Variants in PCDHGB5 observed in about 807,000 individuals in gnomAD.
PCDHGB5 encodes protocadherin gamma subfamily B, 5.
A neutral mutation model predicts 62.9 loss-of-function variants in PCDHGB5; 48 were observed. The ratio of observed to expected loss-of-function variants is 0.76; its 90% confidence interval spans 0.61 to 0.97. The LOEUF is 0.97. PCDHGB5 is among the 50% of genes least tolerant of loss of function. The probability of loss-of-function intolerance (pLI) is 0.00; values close to 1 mark genes in which losing one functional copy is unlikely to be tolerated. For synonymous variants in PCDHGB5, 474 were observed against 511.2 expected, an observed-to-expected ratio of 0.93 and a Z score of 0.98; for missense variants, 1,118 against 1,198.6, an observed-to-expected ratio of 0.93 and a Z score of 0.99.
chr5:141,421,403 A>G, intron 1 of PCDHGB5: 1 of 1,614,054 alleles, frequency 6.2e-7, no homozygotes, highest in Non-Finnish European at 8.5e-7. Context: ...GAGCCCCGGG[A>G]GCTGGCGAAG....
In PCDHGB5 at chr5:141,459,352, C is replaced by T. The variant is rs111826527; in HGVS notation, c.2398-35455C>T. On this transcript the variant is annotated intron_variant, in intron 1 of 3. Coordinates refer to ENST00000617380, the MANE Select transcript of PCDHGB5 (RefSeq NM_018925.3). Reference sequence around the variant, plus strand: ...TACTCCAAAGTTCTTGAAATTCATTCATGTTCCTGTGTGTATCAGCAGCGT... The same window carrying T: ...TACTCCAAAGTTCTTGAAATTCATTTATGTTCCTGTGTGTATCAGCAGCGT... 1.4e-4 allele frequency among the ~76,000 whole-genome samples: 21 copies of T among 152,304 alleles called. No homozygotes were observed. The East Asian group carries it at 3.7e-3, about 27-fold the overall frequency.
rs1330784633 is a variant in PCDHGB5 at position 141,476,330 on chromosome 5, G to A, written c.2398-18477G>A. On this transcript the variant is annotated intron_variant, in intron 1 of 3. Transcript: ENST00000617380. This position sits in a 1 kb window ranked among gnomAD's most constrained non-coding sequence, Gnocchi z 7.6. ...CCGCAGGTTCCGGGTGGTGTCTGGA[G>A]CTAGCCGAAGATTCTTTGAGGTGAA... The A allele has an allele frequency of 1.2e-6, 2 of 1,614,092 alleles. No homozygotes were observed. The highest frequency in any genetic ancestry group is 1.6e-4 in the Middle Eastern group (1 of 6,084).
At chr5:141,438,571 TATACATACATAC>T (rs1212381177) in intron 1 of PCDHGB5, among the ~76,000 whole-genome samples, 4 of 94,544 alleles carry the variant, frequency 4.2e-5, no homozygotes, top group African/African-American at 9.7e-5. Context: ...AGCTGTCTGA[TATACATACATAC>T]ATACATACAT....
intron 1 of PCDHGB5, among the ~76,000 whole-genome samples, chr5:141,445,885 G>A (rs1171777990): frequency 1.3e-5 from 2 of 152,148 alleles, no homozygotes; most frequent in African/African-American, 4.8e-5. Flanking sequence ...CTTGTACTTA[G>A]GAGCTATTAA....
chr5:141,399,656 T>G lies in PCDHGB5; in HGVS notation c.1529T>G (p.Val510Gly). 6.2e-7 allele frequency: 1 copy of G among 1,613,694 alleles called. No homozygotes were observed. The highest frequency in any genetic ancestry group is 8.5e-7 in the Non-Finnish European group (1 of 1,179,880). The change falls in exon 1 of 4, where the codon GTG becomes GGG. Residue 510 changes from valine (V) to glycine (G), a missense_variant. Transcript: ENST00000617380. ...TCCATGAGCGCGCAAAGTGGGGTGG[T>G]GTTCGCGCAGCGCGCCTTTGACTAC... ...YVSMSAQSGV[V>G]FAQRAFDYEQ... is the part of the protein sequence containing the mutation.
chr5:141,500,894 C>G (rs1221911920), intron 2 of PCDHGB5, among the ~76,000 whole-genome samples: 1 of 150,982 alleles, frequency 6.6e-6, no homozygotes, highest in African/African-American at 2.4e-5. Flanking sequence ...TTTTTTGAGA[C>G]AGTCTCGCTC....
At chr5:141,472,176 G>C (rs1416695177) in intron 1 of PCDHGB5, among the ~76,000 whole-genome samples, 3 of 152,144 alleles carry the variant, frequency 2.0e-5, no homozygotes, top group Non-Finnish European at 2.9e-5. Context: ...GTAATATCCA[G>C]TATTGGAATT....
chr5:141,508,540 G>A (rs993826709), intron 3 of PCDHGB5, among the ~76,000 whole-genome samples: 3 of 152,144 alleles, frequency 2.0e-5, no homozygotes, highest in African/African-American at 4.8e-5. Flanking sequence ...CCCCCCACGA[G>A]GTGGGCGGGG....
intron 1 of PCDHGB5, among the ~76,000 whole-genome samples, chr5:141,438,629 TATATATACACAC>T (rs1343412075): frequency 0.05 from 2,378 of 47,602 alleles, 22 homozygotes; most frequent in African/African-American, 0.12. Context: ...TATATATATA[TATATATACACAC>T]ACACACACAC....
Position 141,511,029 on chromosome 5 carries a change from G to A in PCDHGB5, c.2628G>A (p.Leu876=), listed in dbSNP as rs1372346241. The part of the protein sequence containing the change: ...LSARYGPQFT[L]QHVPDYRQNV... ...CCCGCTACGGACCCCAGTTCACCCT[G>A]CAGCACGTGCCCGACTACCGCCAGA... The change falls in exon 4 of 4, where the codon CTG becomes CTA. Residue 876 remains leucine, a synonymous_variant. Transcript: ENST00000617380. 6.2e-7 allele frequency: 1 copy of A among 1,614,078 alleles called. No individual in the cohort carries two copies. Among genetic ancestry groups the A allele is most frequent in the Non-Finnish European group, 8.5e-7 (1 of 1,180,032 alleles).
At position 141,431,365 on chromosome 5, in the gene PCDHGB5, C is replaced by T. The variant is rs2097365932; in HGVS notation, c.2397+30841C>T. ...TGGTGCTGAAACGCGCCCTGGACCG[C>T]GAAGAAAAGGCTGCTCACCACCTGG... On this transcript the variant is annotated intron_variant, in intron 1 of 3. Coordinates refer to ENST00000617380, the MANE Select transcript of PCDHGB5 (RefSeq NM_018925.3). The surrounding 1 kb of genome is among the most constrained non-coding windows in gnomAD (Gnocchi z 4.8). 6 of 1,613,980 alleles carry T rather than the reference C, an allele frequency of 3.7e-6. No homozygotes were observed. Among genetic ancestry groups the T allele is most frequent in the Non-Finnish European group, 5.1e-6 (6 of 1,180,028 alleles).
At position 141,487,075 on chromosome 5, in the gene PCDHGB5, C is replaced by T. The variant is rs755563146; in HGVS notation, c.2398-7732C>T. The T allele has an allele frequency of 1.9e-6, 3 of 1,614,116 alleles. No individual in the cohort carries two copies. The highest frequency in any genetic ancestry group is 2.5e-6 in the Non-Finnish European group (3 of 1,179,982). ...GGGAGGTGCGGACGGCTGTTCCTATCCCAGCTGACCTCCCACCACAGAAGC... is the reference window on the plus strand; with the variant it reads ...GGGAGGTGCGGACGGCTGTTCCTATTCCAGCTGACCTCCCACCACAGAAGC... On this transcript the variant is annotated intron_variant, in intron 1 of 3. Transcript: ENST00000617380. This position sits in a 1 kb window ranked among gnomAD's most constrained non-coding sequence, Gnocchi z 5.0.
intron 1 of PCDHGB5, chr5:141,419,226 C>T (rs560904796): frequency 1.9e-6 from 3 of 1,614,006 alleles, no homozygotes; most frequent in East Asian, 2.2e-5. Context: ...GGACAGTCAG[C>T]CTACCTGGTC....
chr5:141,440,035 C>T, intron 1 of PCDHGB5: 1 of 153,140 alleles, frequency 6.5e-6, no homozygotes, highest in East Asian at 1.9e-4. Flanking sequence ...GTGTCGAGGA[C>T]ATGCCCACTT....
rs756466649 is a variant in PCDHGB5, at chr5:141,495,663, G to A, written c.2456+798G>A. 1.1e-3 allele frequency among the ~76,000 whole-genome samples: 169 copies of A among 152,164 alleles called. 3 individuals are homozygous for A. The highest frequency in any genetic ancestry group is 1.9e-3 in the Admixed American group (29 of 15,272). ...TTGTCTACTTGCATTGATCTGTGCCGCCCACTGTGCCTGCCATGGCATAAG... is the reference window on the plus strand; with the variant it reads ...TTGTCTACTTGCATTGATCTGTGCCACCCACTGTGCCTGCCATGGCATAAG... On this transcript the variant is annotated intron_variant, in intron 2 of 3. Coordinates refer to ENST00000617380, the MANE Select transcript of PCDHGB5 (RefSeq NM_018925.3).
At chr5:141,410,513 G>C in intron 1 of PCDHGB5, 1 of 1,613,954 alleles carries the variant, frequency 6.2e-7, no homozygotes, top group Non-Finnish European at 8.5e-7. Context: ...AAAATGCAGT[G>C]TGCCCCTACA....
At chr5:141,464,816 G>A (rs11167751) in intron 1 of PCDHGB5, among the ~76,000 whole-genome samples, 42,470 of 151,904 alleles carry the variant, frequency 0.28, 6,668 homozygotes, top group African/African-American at 0.43. Context: ...ATAGCTCACT[G>A]TAGCCTCGCA....
chr5:141,451,812 C>G (rs974567828), intron 1 of PCDHGB5, among the ~76,000 whole-genome samples: 1 of 149,686 alleles, frequency 6.7e-6, no homozygotes, highest in Non-Finnish European at 1.5e-5. Flanking sequence ...ACCCAGGAGG[C>G]GGAGGTTACA....
rs1455759096 is a variant in PCDHGB5, at chr5:141,489,539, C to T, written c.2398-5268C>T. 6.2e-7 allele frequency: 1 copy of T among 1,613,980 alleles called. No individual in the cohort carries two copies. Among genetic ancestry groups the T allele is most frequent in the African/African-American group, 1.3e-5 (1 of 74,912 alleles). On this transcript the variant is annotated intron_variant, in intron 1 of 3. Coordinates refer to ENST00000617380, the MANE Select transcript of PCDHGB5 (RefSeq NM_018925.3). This position sits in a 1 kb window ranked among gnomAD's most constrained non-coding sequence, Gnocchi z 4.5. Reference sequence around the variant, plus strand: ...CGAGAAAGCCTATGTGGAGCCAGCACCAGCTGCCTGCTGCCAGTGCAGGTG... The same window carrying T: ...CGAGAAAGCCTATGTGGAGCCAGCATCAGCTGCCTGCTGCCAGTGCAGGTG...
Sources: allele counts gnomAD v4.1 joint callset (sites outside exome capture counted in the v4.1 genomes callset), GRCh38; gene constraint gnomAD v4.1.1; non-coding constraint Gnocchi (gnomAD v3.1); transcripts MANE v1.5; gene names NCBI Gene and HGNC (gene_info 2026-07-23, HGNC 2026-07-21).